PALLD: variants seen among roughly 807,000 people sequenced by gnomAD.
The protein encoded by PALLD is palladin.
Under a neutral mutation model 123.5 loss-of-function variants are expected in PALLD, and 61 were observed. That is an observed-to-expected ratio of 0.49 (90% CI 0.40 to 0.61). PALLD has a LOEUF of 0.61. Among genes scored for constraint, PALLD ranks in the 20% least tolerant of loss-of-function variants. The pLI is 0.00. For synonymous variants in PALLD, 465 were observed against 496.4 expected, an observed-to-expected ratio of 0.94 and a Z score of 0.84; for missense variants, 1,273 against 1,377.0, an observed-to-expected ratio of 0.92 and a Z score of 1.20.
intron 10 of PALLD, among the ~76,000 whole-genome samples, chr4:168,738,171 G>T (rs997170154): frequency 2.0e-4 from 31 of 152,110 alleles, no homozygotes; most frequent in African/African-American, 6.8e-4. Flanking sequence ...ATTAGTCAGG[G>T]TTTGGAATCA....
chr4:168,785,045 T>G (rs1054981381), intron 10 of PALLD, among the ~76,000 whole-genome samples: 1 of 145,486 alleles, frequency 6.9e-6, no homozygotes, highest in African/African-American at 2.5e-5. Flanking sequence ...CCCCAGCTTT[T>G]TTCTCCCTTT....
At chr4:168,535,783 C>A (rs954328240) in intron 2 of PALLD, among the ~76,000 whole-genome samples, 1 of 152,286 alleles carries the variant, frequency 6.6e-6, no homozygotes, top group East Asian at 1.9e-4. Context: ...ACTATAGCCA[C>A]CTCTACAAAT....
chr4:168,757,595 G>A (rs1366003845), intron 10 of PALLD, among the ~76,000 whole-genome samples: 1 of 152,196 alleles, frequency 6.6e-6, no homozygotes, highest in African/African-American at 2.4e-5. Flanking sequence ...CGAAATCTCA[G>A]GACAGTTCCA....
chr4:168,923,080 G>T (rs1761904220), intron 18 of PALLD, among the ~76,000 whole-genome samples: 1 of 152,238 alleles, frequency 6.6e-6, no homozygotes, highest in Non-Finnish European at 1.5e-5. Context: ...ACCCTGCACA[G>T]CAATGCTGCA....
intron 2 of PALLD, among the ~76,000 whole-genome samples, chr4:168,654,530 T>C (rs564905046): frequency 6.6e-6 from 1 of 152,366 alleles, no homozygotes; most frequent in African/African-American, 2.4e-5. Context: ...GTGATAACAT[T>C]AGTTTTCCTA....
chr4:168,797,803 T>C (rs1738727248), intron 10 of PALLD, among the ~76,000 whole-genome samples: 1 of 152,136 alleles, frequency 6.6e-6, no homozygotes, highest in African/African-American at 2.4e-5. Flanking sequence ...ATTGCCATAT[T>C]AGCTCCCTCT....
intron 2 of PALLD, among the ~76,000 whole-genome samples, chr4:168,605,396 G>A (rs577973420): frequency 5.9e-5 from 9 of 152,140 alleles, no homozygotes; most frequent in Admixed American, 2.0e-4. Context: ...TTATGTTCAT[G>A]TCCAGCTACT....
At chr4:168,550,683 G>T (rs1766642879) in intron 2 of PALLD, among the ~76,000 whole-genome samples, 1 of 152,048 alleles carries the variant, frequency 6.6e-6, no homozygotes, top group Non-Finnish European at 1.5e-5. Context: ...TAATCAAGCT[G>T]GGCACTCAAG....
intron 10 of PALLD, chr4:168,878,048 C>T: frequency 1.3e-6 from 2 of 1,483,820 alleles, no homozygotes; most frequent in East Asian, 2.9e-5. Flanking sequence ...CCTCCCGTCG[C>T]CCATGTCCCC....
chr4:168,557,415 G>C (rs1013802348), intron 2 of PALLD, among the ~76,000 whole-genome samples: 9 of 152,116 alleles, frequency 5.9e-5, no homozygotes, highest in African/African-American at 1.7e-4. Flanking sequence ...ACAAATCTTA[G>C]ACCATTTCCA....
At chr4:168,781,101 T>C (rs1735855134) in intron 10 of PALLD, among the ~76,000 whole-genome samples, 1 of 152,216 alleles carries the variant, frequency 6.6e-6, no homozygotes, top group Non-Finnish European at 1.5e-5. Context: ...CCACAGATAC[T>C]TGTTGGCTTT....
chr4:168,814,589 C>T lies in PALLD; in HGVS notation c.1965-76333C>T, dbSNP rs982448324. Among the ~76,000 whole-genome samples the T allele has an allele frequency of 1.3e-4, 20 of 152,284 alleles. No individual in the cohort carries two copies. The East Asian group carries it at 1.5e-3, about 12-fold the overall frequency. On this transcript the variant is annotated intron_variant, in intron 10 of 21. Transcript: ENST00000505667. ...CGACATAACTGCGTTGCAGCAAAAA[C>T]GGCAGGAGAGTGCAGGTCTCTAAGC...
At chr4:168,591,833 G>T (rs1771462479) in intron 2 of PALLD, among the ~76,000 whole-genome samples, 1 of 151,866 alleles carries the variant, frequency 6.6e-6, no homozygotes, top group Non-Finnish European at 1.5e-5. Context: ...TTATTAATTT[G>T]GCCCCCAGGA....
At chr4:168,832,257 G>C in intron 10 of PALLD, 1 of 910,592 alleles carries the variant, frequency 1.1e-6, no homozygotes, top group Non-Finnish European at 1.3e-6. Context: ...CCGCGAGTCG[G>C]GAGTGCAGGG....
chr4:168,656,256 C>T (rs1325571550), intron 2 of PALLD, among the ~76,000 whole-genome samples: 1 of 119,242 alleles, frequency 8.4e-6, no homozygotes, highest in South Asian at 3.3e-4. Flanking sequence ...CCCCCCACCC[C>T]CAACGCTTTG....
At chr4:168,904,698 A>T (rs1225308780) in intron 15 of PALLD, among the ~76,000 whole-genome samples, 5 of 152,212 alleles carry the variant, frequency 3.3e-5, no homozygotes, top group African/African-American at 9.6e-5. Flanking sequence ...GGCATGGTAA[A>T]ATGAGCAGTT....
chr4:168,605,698 G>C (rs1302202174), intron 2 of PALLD, among the ~76,000 whole-genome samples: 2 of 152,284 alleles, frequency 1.3e-5, no homozygotes, highest in African/African-American at 4.8e-5. Context: ...TAGCATGTTT[G>C]TTCTACCCAG....
intron 10 of PALLD, among the ~76,000 whole-genome samples, chr4:168,816,649 T>C (rs1422639445): frequency 6.6e-6 from 1 of 152,090 alleles, no homozygotes; most frequent in East Asian, 1.9e-4. Flanking sequence ...AAATACATGC[T>C]TTGCGGTGAC....
rs111703208 is a variant in PALLD at position 168,620,424 on chromosome 4, C to T, written c.909-47766C>T. Among the ~76,000 whole-genome samples the T allele has an allele frequency of 9.1e-3, 1,391 of 152,240 alleles. 18 individuals are homozygous for T. The highest frequency in any genetic ancestry group is 0.03 in the African/African-American group (1,247 of 41,542). ...GAGCTGAGATCGCACCACCGCACTGCAACCTGGGCGACAGAGTGAGATGCT... is the reference window on the plus strand; with the variant it reads ...GAGCTGAGATCGCACCACCGCACTGTAACCTGGGCGACAGAGTGAGATGCT... On this transcript the variant is annotated intron_variant, in intron 2 of 21. Transcript: ENST00000505667.
Sources: gnomAD v4.1 joint callset for allele counts (sites outside exome capture counted in the v4.1 genomes callset) on GRCh38, gnomAD v4.1.1 for gene constraint, MANE v1.5 for transcripts, NCBI Gene and HGNC (gene_info 2026-07-23, HGNC 2026-07-21) for gene names.